The following DGKI variants were observed in gnomAD, a reference collection of about 807,000 sequenced individuals.
DGKI encodes DAG kinase iota.
A neutral mutation model predicts 147.5 loss-of-function variants in DGKI; 55 were observed. The observed-to-expected ratio is 0.37, with a 90% CI of 0.30 to 0.47. The LOEUF (loss-of-function observed/expected upper bound fraction) is 0.47. Among genes scored for constraint, DGKI ranks in the 20% least tolerant of loss-of-function variants. The pLI is 1.00. For missense variants in DGKI, 1,007 were observed against 1,323.8 expected (o/e 0.76, Z 3.71); for synonymous variants, 469 against 477.1 (o/e 0.98, Z 0.22).
intron 11 of DGKI, among the ~76,000 whole-genome samples, chr7:137,598,323 T>G (rs575587680): frequency 1.3e-5 from 2 of 152,328 alleles, no homozygotes; most frequent in Admixed American, 6.5e-5. Context: ...TCTTTATATT[T>G]ATTAGTTTTC....
At chr7:137,660,271 A>G (rs60875906) in intron 3 of DGKI, among the ~76,000 whole-genome samples, 1 of 152,216 alleles carries the variant, frequency 6.6e-6, no homozygotes, top group Non-Finnish European at 1.5e-5. Flanking sequence ...TATGGAATAC[A>G]GTATAGATCA....
In DGKI at chr7:137,609,590, T is replaced by C; in HGVS notation, c.1013A>G (p.Asn338Ser). 1 of 1,613,370 alleles carries C rather than the reference T, an allele frequency of 6.2e-7. No individual in the cohort carries two copies. The highest frequency in any genetic ancestry group is 1.3e-5 in the African/African-American group (1 of 74,980). Reference sequence around the variant, plus strand: ...AAAGCTTGTTCTCTTCTTCTTCCGATTTGAAGCCTTCAGGGAGTTCTGTAG... The same window carrying C: ...AAAGCTTGTTCTCTTCTTCTTCCGACTTGAAGCCTTCAGGGAGTTCTGTAG... ...KKPQNSLKAS[N>S]RKKKRTSFKR... The change falls in exon 9 of 33, where the codon AAT (asparagine) becomes AGT (serine). Residue 338 changes from asparagine to serine, a missense_variant. By Grantham distance (46) the Asn-to-Ser change is conservative (BLOSUM62 1). Around this residue, in one of 5 missense-constraint regions of DGKI, gnomAD observed 259 missense variants for 362.5 expected, o/e 0.71. Coordinates refer to ENST00000614521, the MANE Select transcript of DGKI (RefSeq NM_001321708.2).
chr7:137,708,845 C>T (rs1794126667), intron 1 of DGKI, among the ~76,000 whole-genome samples: 1 of 152,096 alleles, frequency 6.6e-6, no homozygotes, highest in African/African-American at 2.4e-5. Context: ...GAGGAGGTGA[C>T]AGAAACAGGA....
intron 32 of DGKI, among the ~76,000 whole-genome samples, chr7:137,392,026 A>C (rs1811383898): frequency 6.6e-6 from 1 of 152,156 alleles, no homozygotes; most frequent in African/African-American, 2.4e-5. Context: ...TCCATTGATA[A>C]CTAGATTTTG....
At chr7:137,770,325 A>G (rs1170881001) in intron 1 of DGKI, among the ~76,000 whole-genome samples, 2 of 143,884 alleles carry the variant, frequency 1.4e-5, no homozygotes, top group Non-Finnish European at 3.1e-5. Flanking sequence ...TGGGGGTGGG[A>G]GGCAGGGGAG....
At chr7:137,573,730 C>A (rs1485036786) in intron 17 of DGKI, among the ~76,000 whole-genome samples, 1 of 152,178 alleles carries the variant, frequency 6.6e-6, no homozygotes. Context: ...TTCTAAGATT[C>A]ACTGTCTTCC....
At chr7:137,478,381 G>C (rs1233982446) in intron 23 of DGKI, among the ~76,000 whole-genome samples, 1 of 152,106 alleles carries the variant, frequency 6.6e-6, no homozygotes, top group African/African-American at 2.4e-5. Flanking sequence ...CGTACGCAGG[G>C]TACAAATAAT....
chr7:137,529,228 C>T lies in DGKI; in HGVS notation c.2148-7262G>A, dbSNP rs74580073. Among the ~76,000 whole-genome samples the T allele has an allele frequency of 9.8e-3, 1,485 of 152,200 alleles. 11 individuals are homozygous for T. The highest frequency in any genetic ancestry group is 0.015 in the Non-Finnish European group (1,018 of 67,990). On this transcript the variant is annotated intron_variant, in intron 20 of 32. Coordinates refer to ENST00000614521, the MANE Select transcript of DGKI (RefSeq NM_001321708.2). ...ATGAGAAATTACTTAATGGGTACAA[C>T]ATATGCTATTTTGGTGATAGATACC...
chr7:137,689,787 T>A (rs1823541536), intron 2 of DGKI, 107 bp downstream of exon 2: 2 of 686,994 alleles, frequency 2.9e-6, no homozygotes, highest in Non-Finnish European at 4.5e-6. Context: ...CAGCAGGCAA[T>A]GTTGAAAATT....
chr7:137,425,917 G>C (rs1360483091), intron 28 of DGKI, among the ~76,000 whole-genome samples: 1 of 152,148 alleles, frequency 6.6e-6, no homozygotes. Context: ...CCAAATCTAC[G>C]TCTGATTGGT....
intron 20 of DGKI, among the ~76,000 whole-genome samples, chr7:137,531,569 A>G (rs545291137): frequency 7.5e-4 from 114 of 152,280 alleles, no homozygotes; most frequent in East Asian, 2.9e-3. Context: ...AAGCCATCAA[A>G]ATGGATTTAG....
chr7:137,408,020 A>C (rs1405815106), intron 29 of DGKI, 25 bp from the exon 30 acceptor site: 3 of 1,613,090 alleles, frequency 1.9e-6, no homozygotes, highest in East Asian at 2.2e-5. Flanking sequence ...ATACAAAAAG[A>C]AGCTCAGGCA....
At chr7:137,491,425 T>C (rs1460537998) in intron 21 of DGKI, among the ~76,000 whole-genome samples, 1 of 152,052 alleles carries the variant, frequency 6.6e-6, no homozygotes, top group African/African-American at 2.4e-5. Context: ...GACAAAACCA[T>C]GAGGAAATAT....
chr7:137,446,439 T>C (rs1404800122), intron 27 of DGKI, among the ~76,000 whole-genome samples: 2 of 152,202 alleles, frequency 1.3e-5, no homozygotes, highest in African/African-American at 4.8e-5. Context: ...TGCACTGCAC[T>C]ACTGAGACAT....
At chr7:137,474,274 C>T (rs1402102916) in intron 23 of DGKI, among the ~76,000 whole-genome samples, 2 of 152,144 alleles carry the variant, frequency 1.3e-5, no homozygotes, top group Non-Finnish European at 2.9e-5. Context: ...ATGTACATAT[C>T]TAAGCAGATG....
Position 137,405,993 on chromosome 7 carries a change from TG to T in DGKI, c.2920+1881del, listed in dbSNP as rs1024160192. On this transcript the variant is annotated intron_variant, in intron 30 of 32. Coordinates refer to ENST00000614521, the MANE Select transcript of DGKI (RefSeq NM_001321708.2). ...TCTCCAGGAAAGGTGAAAAGATGGG[TG>T]GGGGGGTGTGGAGAGAGAGATTCCT... 4.0e-5 allele frequency among the ~76,000 whole-genome samples: 6 copies of T among 150,928 alleles called. No homozygotes were observed. The South Asian group carries it at 6.3e-4, about 16-fold the overall frequency.
intron 20 of DGKI, among the ~76,000 whole-genome samples, chr7:137,542,213 C>G (rs1817727604): frequency 6.6e-6 from 1 of 152,124 alleles, no homozygotes. Context: ...TTGTCAGTTT[C>G]TTACGAAGGT....
intron 21 of DGKI, among the ~76,000 whole-genome samples, chr7:137,518,092 T>C (rs1166353039): frequency 6.6e-6 from 1 of 152,066 alleles, no homozygotes; most frequent in Admixed American, 6.6e-5. Flanking sequence ...TTTTATGGAC[T>C]TGAAGACTGA....
intron 27 of DGKI, among the ~76,000 whole-genome samples, chr7:137,457,371 A>C (rs1814245420): frequency 6.6e-6 from 1 of 152,232 alleles, no homozygotes; most frequent in Non-Finnish European, 1.5e-5. Context: ...GCTGTCCAAC[A>C]GTCTGTCTTC....
Sources: gnomAD v4.1 joint callset for allele counts (sites outside exome capture counted in the v4.1 genomes callset) on GRCh38, gnomAD v4.1.1 for gene constraint, gnomAD v4.1.1 regional missense constraint, MANE v1.5 for transcripts, NCBI Gene and HGNC (gene_info 2026-07-23, HGNC 2026-07-21) for gene names.